MYO3B: variants seen among roughly 807,000 people sequenced by gnomAD.
The protein encoded by MYO3B is myosin-IIIb.
In MYO3B, 156 loss-of-function variants were observed where a neutral mutation model predicts 174.6. That is an observed-to-expected ratio of 0.89 (90% CI 0.78 to 1.02). The LOEUF is 1.02. Among genes scored for constraint, MYO3B ranks in the 50% least tolerant of loss-of-function variants. The pLI is 0.00. For synonymous variants in MYO3B, 563 were observed against 569.1 expected, an observed-to-expected ratio of 0.99 and a Z score of 0.15; for missense variants, 1,632 against 1,639.4, an observed-to-expected ratio of 1.00 and a Z score of 0.08.
At chr2:170,384,761 A>C (rs975521487) in intron 12 of MYO3B, among the ~76,000 whole-genome samples, 1 of 152,062 alleles carries the variant, frequency 6.6e-6, no homozygotes, top group Non-Finnish European at 1.5e-5. Context: ...TCTGACACCA[A>C]ATGTTGTATT....
At chr2:170,189,394 T>A (rs2092511614) in intron 1 of MYO3B, among the ~76,000 whole-genome samples, 1 of 152,128 alleles carries the variant, frequency 6.6e-6, no homozygotes, top group East Asian at 1.9e-4. Flanking sequence ...TCTGTTATCA[T>A]CCCTTTGAAT....
intron 22 of MYO3B, among the ~76,000 whole-genome samples, chr2:170,425,413 A>T (rs2094652484): frequency 6.6e-6 from 1 of 152,224 alleles, no homozygotes; most frequent in Non-Finnish European, 1.5e-5. Flanking sequence ...TCATCAGTAA[A>T]CTAAATTAAA....
intron 7 of MYO3B, among the ~76,000 whole-genome samples, chr2:170,266,767 A>G (rs1381618607): frequency 6.6e-6 from 1 of 152,216 alleles, no homozygotes; most frequent in Admixed American, 6.5e-5. Context: ...GTCATTTCTA[A>G]TAGGTTTCTT....
chr2:170,597,960 C>G (rs1694257329), intron 32 of MYO3B, among the ~76,000 whole-genome samples: 1 of 152,084 alleles, frequency 6.6e-6, no homozygotes, highest in Admixed American at 6.5e-5. Flanking sequence ...CAACATAGCA[C>G]CTAAACATCA....
At chr2:170,200,112 T>C in intron 2 of MYO3B, 38 bp from the exon 3 acceptor site, 2 of 1,596,276 alleles carry the variant, frequency 1.3e-6, no homozygotes, top group Non-Finnish European at 1.7e-6. Context: ...CCTTACACAT[T>C]AGATTTAATC....
chr2:170,199,234 A>G lies in MYO3B; in HGVS notation c.29A>G (p.Tyr10Cys), dbSNP rs2092634624. 6.2e-7 allele frequency: 1 copy of G among 1,612,824 alleles called. No individual in the cohort carries two copies. The highest frequency in any genetic ancestry group is 8.5e-7 in the Non-Finnish European group (1 of 1,179,338). ...AAACATCTGTATGGATTATTTCACT[A>G]TAATCCTATGATGCTTGGACTTGAA... is the stretch of plus-strand genomic sequence containing the variant. MKHLYGLFH[Y>C]NPMMLGLESL... The change falls in exon 2 of 35, where the codon TAT (tyrosine) becomes TGT (cysteine). Residue 10 changes from tyrosine (Y) to cysteine (C), a missense_variant. By Grantham distance (194) the Tyr-to-Cys change is radical. Transcript: ENST00000408978.
At chr2:170,369,460 A>G in intron 9 of MYO3B, 83 bp downstream of exon 9, 1 of 1,415,382 alleles carries the variant, frequency 7.1e-7, no homozygotes, top group Non-Finnish European at 9.7e-7. Context: ...CAGCATTATT[A>G]CTGGTAGTTA....
chr2:170,432,561 T>G (rs1259282174), intron 22 of MYO3B, among the ~76,000 whole-genome samples: 2 of 151,732 alleles, frequency 1.3e-5, no homozygotes, highest in African/African-American at 4.8e-5. Context: ...GGTTAATTTA[T>G]TATTTAAAAA....
chr2:170,459,661 G>A (rs923171941), intron 23 of MYO3B, among the ~76,000 whole-genome samples: 20 of 152,274 alleles, frequency 1.3e-4, no homozygotes, highest in East Asian at 3.9e-4. Flanking sequence ...TCATGGGACC[G>A]GGCGCCATGG....
At chr2:170,244,964 A>G (rs1014011704) in intron 7 of MYO3B, among the ~76,000 whole-genome samples, 1 of 152,200 alleles carries the variant, frequency 6.6e-6, no homozygotes, top group Non-Finnish European at 1.5e-5. Flanking sequence ...AACACTGGAT[A>G]ATTGTGTCAA....
intron 6 of MYO3B, among the ~76,000 whole-genome samples, chr2:170,219,755 T>G (rs1056504136): frequency 1.3e-5 from 2 of 152,192 alleles, no homozygotes; most frequent in Non-Finnish European, 2.9e-5. Flanking sequence ...ACTATTGATA[T>G]TAGCAAATTT....
At chr2:170,394,308 A>T (rs1053031830) in intron 16 of MYO3B, among the ~76,000 whole-genome samples, 9 of 152,198 alleles carry the variant, frequency 5.9e-5, no homozygotes, top group Non-Finnish European at 1.3e-4. Context: ...AAAAGAAAGT[A>T]TATAATGGTG....
rs114785829 is a variant in MYO3B, at chr2:170,577,827, C to T, written c.3733+33839C>T. ...TGAACCAAAGCAGTCTTCCACTGCC[C>T]GGAGCTCCTTCACAACATCAAACAC... On this transcript the variant is annotated intron_variant, in intron 32 of 34. Transcript: ENST00000408978. Among the ~76,000 whole-genome samples, 556 of 152,240 alleles carry T rather than the reference C, an allele frequency of 3.7e-3. 1 individual carries two copies. The highest frequency in any genetic ancestry group is 0.01 in the South Asian group (49 of 4,810).
chr2:170,283,352 C>A (rs1181131726), intron 7 of MYO3B, among the ~76,000 whole-genome samples: 3 of 152,156 alleles, frequency 2.0e-5, no homozygotes, highest in Non-Finnish European at 4.4e-5. Flanking sequence ...GCTGGGCTGT[C>A]ACTTGCCTGC....
At chr2:170,292,697 A>C (rs367717735) in intron 7 of MYO3B, among the ~76,000 whole-genome samples, 34 of 152,226 alleles carry the variant, frequency 2.2e-4, no homozygotes, top group African/African-American at 7.7e-4. Context: ...TCCCAAAGGG[A>C]TTATCCAACC....
At chr2:170,255,317 G>C (rs1166757667) in intron 7 of MYO3B, among the ~76,000 whole-genome samples, 1 of 150,098 alleles carries the variant, frequency 6.7e-6, no homozygotes, top group African/African-American at 2.5e-5. Context: ...GACTTAGTAA[G>C]GGAGTCATCT....
In MYO3B at chr2:170,541,401, G is replaced by C. The variant is rs551970103; in HGVS notation, c.3576-1505G>C. Among the ~76,000 whole-genome samples the C allele has an allele frequency of 2.0e-5, 3 of 152,238 alleles. No homozygotes were observed. The South Asian group carries it at 6.2e-4, about 32-fold the overall frequency. On this transcript the variant is annotated intron_variant, in intron 30 of 34. Coordinates refer to ENST00000408978, the MANE Select transcript of MYO3B (RefSeq NM_138995.5). ...TATTATGGTTCAGAGGAAGAGCAGA[G>C]GATTTGGAGTCAGACAAACACGGGT... is the stretch of plus-strand genomic sequence containing the variant.
At chr2:170,292,548 G>T (rs545865250) in intron 7 of MYO3B, among the ~76,000 whole-genome samples, 28 of 151,962 alleles carry the variant, frequency 1.8e-4, no homozygotes, top group African/African-American at 6.5e-4. Context: ...GCTTGTTTTG[G>T]TTTTTATTAG....
chr2:170,624,025 C>A (rs1199467300), intron 32 of MYO3B, among the ~76,000 whole-genome samples: 1 of 152,156 alleles, frequency 6.6e-6, no homozygotes, highest in East Asian at 1.9e-4. Context: ...CAGCTTTGTT[C>A]TTTTGGCTTC....
Sources: allele counts gnomAD v4.1 joint callset (sites outside exome capture counted in the v4.1 genomes callset), GRCh38; gene constraint gnomAD v4.1.1; transcripts MANE v1.5; gene names NCBI Gene and HGNC (gene_info 2026-07-23, HGNC 2026-07-21).